SRFBP1: variants seen among roughly 807,000 people sequenced by gnomAD.
The protein encoded by SRFBP1 is serum response factor binding protein 1, also known as serum response factor-binding protein 1.
A neutral mutation model predicts 45.5 loss-of-function variants in SRFBP1; 47 were observed. The ratio of observed to expected loss-of-function variants is 1.03; its 90% confidence interval spans 0.82 to 1.32. SRFBP1 has a LOEUF of 1.32. Ranked by LOEUF, SRFBP1 falls within the 40% of genes most tolerant of loss-of-function variation. SRFBP1 has a pLI of 0.00. For missense variants in SRFBP1, 621 were observed against 484.6 expected, an observed-to-expected ratio of 1.28 and a Z score of -2.64; for synonymous variants, 203 against 166.3, an observed-to-expected ratio of 1.22 and a Z score of -1.70.
intron 4 of SRFBP1, among the ~76,000 whole-genome samples, chr5:122,015,488 T>C (rs1753177422): frequency 6.6e-6 from 1 of 152,260 alleles, no homozygotes; most frequent in Admixed American, 6.5e-5. Context: ...ACGCTTTTTC[T>C]GTAAAGGACC....
At chr5:122,061,975 A>G (rs1041670198) in intron 2 of SRFBP1, among the ~76,000 whole-genome samples, 1 of 150,986 alleles carries the variant, frequency 6.6e-6, no homozygotes, top group Admixed American at 6.6e-5. Context: ...GGTATATCCC[A>G]GAGTTTTCCA....
intron 2 of SRFBP1, 70 bp from the exon 3 acceptor site, chr5:121,975,245 A>T: frequency 1.4e-6 from 2 of 1,456,054 alleles, no homozygotes; most frequent in East Asian, 2.3e-5. Flanking sequence ...AAATGAAGTG[A>T]TTATCCATTA....
Position 121,962,078 on chromosome 5 carries a change from G to A in SRFBP1, c.36+10G>A. The A allele has an allele frequency of 6.2e-7, 1 of 1,614,022 alleles. No individual in the cohort carries two copies. Among genetic ancestry groups the A allele is most frequent in the Non-Finnish European group, 8.5e-7 (1 of 1,180,012 alleles). ...GAACCTCAATAACGAGGTGAGCGCC[G>A]AGGAACCTATGGGGCTGACTTTAAG... is the stretch of plus-strand genomic sequence containing the variant. On this transcript the variant is annotated intron_variant, in intron 1 of 7. Coordinates refer to ENST00000339397, the MANE Select transcript of SRFBP1 (RefSeq NM_152546.3).
intron 4 of SRFBP1, among the ~76,000 whole-genome samples, chr5:121,999,537 G>T (rs190650771): frequency 1.3e-5 from 2 of 151,918 alleles, no homozygotes; most frequent in African/African-American, 4.8e-5. Flanking sequence ...TAAGAGGTAC[G>T]TTGGAACCTC....
intron 4 of SRFBP1, among the ~76,000 whole-genome samples, chr5:122,012,570 AT>A (rs764791743): frequency 2.5e-4 from 38 of 152,210 alleles, no homozygotes; most frequent in Non-Finnish European, 3.7e-4. Flanking sequence ...AGCAACTGAG[AT>A]TTGCAAATTA....
chr5:122,039,741 A>G (rs1753744720), intron 2 of SRFBP1, among the ~76,000 whole-genome samples: 1 of 152,178 alleles, frequency 6.6e-6, no homozygotes, highest in African/African-American at 2.4e-5. Context: ...ACAAGCAAAA[A>G]ATGAATGAGT....
chr5:122,025,136 G>A (rs1453031069), intron 7 of SRFBP1, among the ~76,000 whole-genome samples: 3 of 145,344 alleles, frequency 2.1e-5, no homozygotes, highest in South Asian at 2.4e-4. Flanking sequence ...AACAGTCCCC[G>A]GTGTGTGATG....
intron 2 of SRFBP1, among the ~76,000 whole-genome samples, chr5:122,036,553 T>C (rs191017056): frequency 6.6e-6 from 1 of 152,310 alleles, no homozygotes; most frequent in Non-Finnish European, 1.5e-5. Context: ...ATGTGATTTA[T>C]GGTGAACATT....
In SRFBP1 at chr5:121,961,975, G is replaced by A. The variant is rs1397393880; in HGVS notation, c.-58G>A. On this transcript the variant is annotated 5_prime_UTR_variant, in exon 1 of 8. Coordinates refer to ENST00000339397, the MANE Select transcript of SRFBP1 (RefSeq NM_152546.3). The stretch of plus-strand genomic sequence containing the variant: ...CGTTGAGGGGCGTGGCGACGCAGCC[G>A]CGGTCTGAGAGACCGGTTCACGTGC... 1 of 1,607,988 alleles carries A rather than the reference G, an allele frequency of 6.2e-7. No individual in the cohort carries two copies. The highest frequency in any genetic ancestry group is 8.5e-7 in the Non-Finnish European group (1 of 1,175,368).
chr5:122,073,710 A>G (rs1053415622), intron 2 of SRFBP1, among the ~76,000 whole-genome samples: 4 of 152,324 alleles, frequency 2.6e-5, no homozygotes, highest in African/African-American at 9.6e-5. Flanking sequence ...TAGGGGCCAC[A>G]TGCATAACTG....
intron 2 of SRFBP1, among the ~76,000 whole-genome samples, chr5:122,038,257 G>C (rs186335682): frequency 6.6e-6 from 1 of 152,242 alleles, no homozygotes; most frequent in African/African-American, 2.4e-5. Context: ...CTCCTATAGG[G>C]GTGGGGGACG....
intron 1 of SRFBP1, among the ~76,000 whole-genome samples, chr5:121,968,468 A>G (rs542456434): frequency 1.6e-4 from 24 of 152,100 alleles, no homozygotes; most frequent in Admixed American, 3.9e-4. Flanking sequence ...GGTGGGGGGG[A>G]CTACTGTATT....
intron 4 of SRFBP1, among the ~76,000 whole-genome samples, chr5:121,999,665 T>C (rs1752813489): frequency 6.6e-6 from 1 of 152,144 alleles, no homozygotes; most frequent in South Asian, 2.1e-4. Context: ...CTTGGGGCGC[T>C]GATCCTTTAT....
intron 3 of SRFBP1, among the ~76,000 whole-genome samples, chr5:121,988,259 TTGAA>T (rs1752554929): frequency 1.3e-5 from 2 of 152,212 alleles, no homozygotes; most frequent in Non-Finnish European, 2.9e-5. Flanking sequence ...CTTTGATTCT[TTGAA>T]TGAGTTTCTT....
intron 2 of SRFBP1, among the ~76,000 whole-genome samples, chr5:122,073,256 T>TA (rs1754503623): frequency 6.6e-6 from 1 of 152,182 alleles, no homozygotes; most frequent in African/African-American, 2.4e-5. Flanking sequence ...AATACTGACA[T>TA]AGATTTTAAC....
At chr5:122,075,639 C>G, downstream of SRFBP1, 1 of 742,908 alleles carries the variant, frequency 1.3e-6, no homozygotes, top group Non-Finnish European at 2.1e-6. Flanking sequence ...TGACAATCCT[C>G]CTTTCCCAAC....
At chr5:121,991,031 A>G (rs1580510754) in intron 3 of SRFBP1, among the ~76,000 whole-genome samples, 1 of 152,178 alleles carries the variant, frequency 6.6e-6, no homozygotes, top group African/African-American at 2.4e-5. Context: ...GCAATTTATA[A>G]TGAAGAGAGT....
chr5:122,058,467 G>A (rs1754119491), intron 2 of SRFBP1, among the ~76,000 whole-genome samples: 2 of 151,658 alleles, frequency 1.3e-5, no homozygotes, highest in South Asian at 4.2e-4. Context: ...AAGCCTCCTA[G>A]TCATCTGTAG....
intron 1 of SRFBP1, among the ~76,000 whole-genome samples, chr5:121,963,153 G>A (rs527881836): frequency 6.6e-6 from 1 of 152,324 alleles, no homozygotes; most frequent in African/African-American, 2.4e-5. Flanking sequence ...GAAAGGGCTA[G>A]TAGCAGAAGA....
Sources: allele counts gnomAD v4.1 joint callset (sites outside exome capture counted in the v4.1 genomes callset), GRCh38; gene constraint gnomAD v4.1.1; transcripts MANE v1.5; gene names NCBI Gene and HGNC (gene_info 2026-07-23, HGNC 2026-07-21).